ATP2B2: variants seen among roughly 807,000 people sequenced by gnomAD.
ATP2B2 encodes the protein plasma membrane calcium-transporting ATPase 2.
Under a neutral mutation model 120.0 loss-of-function variants are expected in ATP2B2, and 15 were observed. That is an observed-to-expected ratio of 0.12 (90% CI 0.08 to 0.19). The LOEUF (loss-of-function observed/expected upper bound fraction) is 0.19, where lower values mean the gene tolerates loss of function less well. Among genes scored for constraint, ATP2B2 ranks in the 10% least tolerant of loss-of-function variants. The pLI is 1.00. For missense variants in ATP2B2, 1,045 were observed against 1,719.8 expected (o/e 0.61, Z 6.94); for synonymous variants, 694 against 700.3 (o/e 0.99, Z 0.14).
At chr3:10,486,787 T>C (rs536215888) in intron 1 of ATP2B2, among the ~76,000 whole-genome samples, 2 of 152,300 alleles carry the variant, frequency 1.3e-5, no homozygotes, top group Admixed American at 6.5e-5. Context: ...TGGCATGATC[T>C]TGGCTCACTG....
chr3:10,506,647 G>A (rs1401263987), upstream of ATP2B2, among the ~76,000 whole-genome samples: 1 of 151,972 alleles, frequency 6.6e-6, no homozygotes, highest in African/African-American at 2.4e-5. Context: ...GCCCCCTCCA[G>A]GAGGGGTACC....
intron 21 of ATP2B2, chr3:10,338,772 G>C (rs2060198350): frequency 6.6e-6 from 2 of 301,938 alleles, no homozygotes; most frequent in African/African-American, 4.5e-5. Flanking sequence ...CTCTGGGCAT[G>C]GTGAGAACTG....
Position 10,371,806 on chromosome 3 carries a change from T to C in ATP2B2, c.1659+3A>G. ...GTGGTGGATGTGCCTGGTCCACACT[T>C]ACCAGAATCTTGGTGGTGTAGGCGC... On this transcript the variant is annotated splice_donor_region_variant and intron_variant, in intron 12 of 22. Transcript: ENST00000360273. 1 of 1,614,206 alleles carries C rather than the reference T, an allele frequency of 6.2e-7. No homozygotes were observed. The highest frequency in any genetic ancestry group is 8.5e-7 in the Non-Finnish European group (1 of 1,180,028).
chr3:10,668,824 C>G (rs1300515813), intron 1 of ATP2B2, among the ~76,000 whole-genome samples: 1 of 152,354 alleles, frequency 6.6e-6, no homozygotes, highest in East Asian at 1.9e-4. Flanking sequence ...TGCTGTATCC[C>G]CAGCCCCTAG....
intron 9 of ATP2B2, 36 bp downstream of exon 9, chr3:10,379,207 A>T: frequency 6.2e-7 from 1 of 1,609,046 alleles, no homozygotes; most frequent in South Asian, 1.1e-5. Context: ...GAGGGGCCTC[A>T]GGGACGACAA....
chr3:10,445,127 G>T (rs751805081), intron 2 of ATP2B2, among the ~76,000 whole-genome samples: 2 of 152,186 alleles, frequency 1.3e-5, no homozygotes, highest in African/African-American at 2.4e-5. Context: ...GTTTTTAAAA[G>T]AAACACTAGA....
At chr3:10,451,217 TG>T (rs1284769093) in intron 1 of ATP2B2, among the ~76,000 whole-genome samples, 2 of 152,162 alleles carry the variant, frequency 1.3e-5, no homozygotes, top group African/African-American at 2.4e-5. Context: ...CTCATAGCCC[TG>T]GGCTCCTCCC....
At chr3:10,349,413 C>T (rs1317356174) in intron 16 of ATP2B2, among the ~76,000 whole-genome samples, 2 of 152,038 alleles carry the variant, frequency 1.3e-5, no homozygotes, top group African/African-American at 2.4e-5. Flanking sequence ...TATGATCACA[C>T]CACTGCACTC....
At chr3:10,694,837 C>A (rs968608005) in intron 1 of ATP2B2, among the ~76,000 whole-genome samples, 2 of 152,060 alleles carry the variant, frequency 1.3e-5, no homozygotes, top group Non-Finnish European at 2.9e-5. Context: ...TCTGCCTGCC[C>A]CCTTCCCCCC....
intron 5 of ATP2B2, among the ~76,000 whole-genome samples, chr3:10,389,913 C>G (rs944242328): frequency 6.6e-6 from 1 of 152,214 alleles, no homozygotes; most frequent in South Asian, 2.1e-4. Context: ...CCAGTTCTAG[C>G]AGCGAGGGAA....
intron 1 of ATP2B2, among the ~76,000 whole-genome samples, chr3:10,696,975 G>A (rs534029943): frequency 6.6e-6 from 1 of 152,312 alleles, no homozygotes; most frequent in Admixed American, 6.5e-5. Flanking sequence ...CTTGGTACTG[G>A]AAACATTGAA....
intron 2 of ATP2B2, among the ~76,000 whole-genome samples, chr3:10,570,873 G>T (rs186109836): frequency 1.3e-3 from 197 of 152,284 alleles, no homozygotes; most frequent in Non-Finnish European, 2.5e-3. Context: ...GCCATGCCCC[G>T]AGAGGCCCAC....
intron 1 of ATP2B2, among the ~76,000 whole-genome samples, chr3:10,628,173 C>G (rs990623681): frequency 6.6e-6 from 1 of 152,206 alleles, no homozygotes; most frequent in Non-Finnish European, 1.5e-5. Context: ...CAACCCAGGG[C>G]CTCAGGGCCC....
chr3:10,663,808 T>C (rs911225779), intron 1 of ATP2B2, among the ~76,000 whole-genome samples: 2 of 152,164 alleles, frequency 1.3e-5, no homozygotes, highest in African/African-American at 4.8e-5. Flanking sequence ...GGCATGGGGC[T>C]TCCCCTGGGG....
chr3:10,599,798 A>AT (rs2068857390), intron 2 of ATP2B2, among the ~76,000 whole-genome samples: 1 of 117,332 alleles, frequency 8.5e-6, no homozygotes. Context: ...CTCGTGTTCT[A>AT]TAAGGGGGTG....
Position 10,350,660 on chromosome 3 carries a change from T to C in ATP2B2, c.2137-83A>G, listed in dbSNP as rs1559545569. ...CCTTCATGGATTCCAGAGGAGCCCT[T>C]CTCACAGGCAGCTCTACTGAAAGGG... is the stretch of plus-strand genomic sequence containing the variant. On this transcript the variant is annotated intron_variant, in intron 14 of 22. Coordinates refer to ENST00000360273, the MANE Select transcript of ATP2B2 (RefSeq NM_001001331.4). 2.7e-6 allele frequency: 4 copies of C among 1,460,942 alleles called. No homozygotes were observed. The East Asian group carries it at 6.9e-5, about 25-fold the overall frequency. 90.5% of individuals were successfully genotyped at this position (1,460,942 alleles called of 1,614,324 possible).
chr3:10,346,174 T>C lies in ATP2B2; in HGVS notation c.2405-37A>G. 6.2e-7 allele frequency: 1 copy of C among 1,600,714 alleles called. No individual in the cohort carries two copies. Among genetic ancestry groups the C allele is most frequent in the Non-Finnish European group, 8.5e-7 (1 of 1,175,906 alleles). ...GGAGTGTGCTCAGGCCCTGGGCCAC[T>C]CAGGTGGGAGGCAGCCTGGGCCAGC... On this transcript the variant is annotated intron_variant, in intron 16 of 22. Coordinates refer to ENST00000360273, the MANE Select transcript of ATP2B2 (RefSeq NM_001001331.4). This position sits in a 1 kb window ranked among gnomAD's most constrained non-coding sequence, Gnocchi z 4.1.
chr3:10,669,350 C>T (rs1203881380), intron 1 of ATP2B2, among the ~76,000 whole-genome samples: 1 of 152,098 alleles, frequency 6.6e-6, no homozygotes, highest in East Asian at 1.9e-4. Flanking sequence ...CTCCTGGGAG[C>T]CTCTTCCTGG....
At chr3:10,388,578 C>T (rs79792305) in intron 5 of ATP2B2, among the ~76,000 whole-genome samples, 176 bp from the exon 6 acceptor site, 2 of 152,302 alleles carry the variant, frequency 1.3e-5, no homozygotes, top group South Asian at 2.1e-4. Flanking sequence ...GATGCTTTCA[C>T]CTCAGGACAG....
Sources: gnomAD v4.1 joint callset for allele counts (sites outside exome capture counted in the v4.1 genomes callset) on GRCh38, gnomAD v4.1.1 for gene constraint, Gnocchi (gnomAD v3.1) non-coding constraint, MANE v1.5 for transcripts, NCBI Gene and HGNC (gene_info 2026-07-23, HGNC 2026-07-21) for gene names.